SEPTIN7: variants seen among roughly 807,000 people sequenced by gnomAD.
SEPTIN7 encodes the protein septin 7.
A neutral mutation model predicts 63.3 loss-of-function variants in SEPTIN7; 10 were observed. The observed-to-expected ratio is 0.16, with a 90% confidence interval of 0.10 to 0.27. SEPTIN7 has a LOEUF of 0.27. Among genes scored for constraint, SEPTIN7 ranks in the 10% least tolerant of loss-of-function variants. The probability of loss-of-function intolerance (pLI) is 1.00; values close to 1 mark genes in which losing one functional copy is unlikely to be tolerated. For missense variants in SEPTIN7, 310 were observed against 521.0 expected, an observed-to-expected ratio of 0.59 and a Z score of 3.94; for synonymous variants, 131 against 165.3, an observed-to-expected ratio of 0.79 and a Z score of 1.59.
intron 7 of SEPTIN7, 51 bp downstream of exon 7, chr7:35,879,991 A>G (rs1346280139): frequency 2.0e-6 from 2 of 1,016,348 alleles, no homozygotes; most frequent in Admixed American, 4.0e-5. Flanking sequence ...CATAATTTGC[A>G]GTTTTTACTA....
intron 4 of SEPTIN7, among the ~76,000 whole-genome samples, chr7:35,871,352 A>G (rs566914541): frequency 6.6e-6 from 1 of 152,290 alleles, no homozygotes; most frequent in African/African-American, 2.4e-5. Context: ...TCTGCTGTGT[A>G]TTCGGTAGTC....
chr7:35,873,714 C>G lies in SEPTIN7; in HGVS notation c.451C>G (p.Arg151Gly). The G allele has an allele frequency of 6.2e-7, 1 of 1,610,814 alleles. No individual in the cohort carries two copies. Among genetic ancestry groups the G allele is most frequent in the Non-Finnish European group, 8.5e-7 (1 of 1,179,044 alleles). ...YLNAESRVNR[R>G]QMPDNRVQCC... Reference sequence around the variant, plus strand: ...AAATGCAGAATCACGAGTGAACAGACGTCAGATGCCTGATAACAGGGTGCA... The same window carrying G: ...AAATGCAGAATCACGAGTGAACAGAGGTCAGATGCCTGATAACAGGGTGCA... Residue 151 changes from arginine to glycine, a missense_variant, in exon 6 of 14, where the codon CGT becomes GGT. This residue lies in a region of SEPTIN7 where 255 missense variants were observed against 490.5 expected (regional missense o/e 0.52). Transcript: ENST00000350320.
intron 3 of SEPTIN7, among the ~76,000 whole-genome samples, chr7:35,852,173 A>C (rs1286698502): frequency 1.3e-5 from 2 of 152,192 alleles, no homozygotes; most frequent in Non-Finnish European, 2.9e-5. Flanking sequence ...TAATGAGATC[A>C]CTTATTCCTC....
intron 6 of SEPTIN7, among the ~76,000 whole-genome samples, chr7:35,877,040 T>C (rs1269350423): frequency 6.6e-6 from 1 of 151,978 alleles, no homozygotes; most frequent in East Asian, 1.9e-4. Context: ...AGTGGAAGAA[T>C]TGGAGGCTAT....
At chr7:35,814,234 TCACCCCCAGTGAATAAGAATTC>T (rs1490204817) in intron 1 of SEPTIN7, among the ~76,000 whole-genome samples, 3 of 152,202 alleles carry the variant, frequency 2.0e-5, no homozygotes, top group Non-Finnish European at 4.4e-5. Context: ...TTTTACATTT[TCACCCCCAGTGAATAAGAATTC>T]AGGTTGTTCC....
In SEPTIN7 at chr7:35,806,038, C is replaced by G. The variant is rs368295066; in HGVS notation, c.61+4768C>G. ...CCCTGCTGTCATCGTGCTAAGATGC[C>G]AGCAGCACATGCTCTCTCTGGTTGT... On this transcript the variant is annotated intron_variant, in intron 1 of 13. Transcript: ENST00000350320. Among the ~76,000 whole-genome samples, 52 of 152,268 alleles carry G rather than the reference C, an allele frequency of 3.4e-4. No individual in the cohort carries two copies. In the East Asian group the frequency reaches 7.1e-3, roughly 21 times the overall value.
At chr7:35,801,797 G>A (rs1400659194) in intron 1 of SEPTIN7, among the ~76,000 whole-genome samples, 1 of 152,086 alleles carries the variant, frequency 6.6e-6, no homozygotes, top group African/African-American at 2.4e-5. Context: ...CGGCGGCGGG[G>A]AGGGAGGAAG....
At chr7:35,801,385 G>A (rs1787956105) in intron 1 of SEPTIN7, 115 bp downstream of exon 1, 3 of 1,339,864 alleles carry the variant, frequency 2.2e-6, no homozygotes, top group African/African-American at 1.6e-5. Flanking sequence ...AGGCAGCGGC[G>A]AGGGGAGCCG....
chr7:35,850,795 A>C (rs1283297196), intron 3 of SEPTIN7, among the ~76,000 whole-genome samples: 1 of 152,208 alleles, frequency 6.6e-6, no homozygotes, highest in African/African-American at 2.4e-5. Flanking sequence ...ATCAAGGACT[A>C]CATCTTATCT....
intron 11 of SEPTIN7, among the ~76,000 whole-genome samples, chr7:35,893,445 CATA>C (rs923830131): frequency 1.3e-5 from 2 of 152,166 alleles, no homozygotes; most frequent in Non-Finnish European, 2.9e-5. Flanking sequence ...TCATGTGCCA[CATA>C]ATGATGTTTC....
intron 1 of SEPTIN7, among the ~76,000 whole-genome samples, chr7:35,805,906 A>C (rs1026220391): frequency 2.0e-4 from 30 of 152,260 alleles, no homozygotes; most frequent in African/African-American, 7.2e-4. Flanking sequence ...TACTTCTGGT[A>C]GCTTTATTGG....
the SEPTIN7 span, among the ~76,000 whole-genome samples, chr7:35,913,592 CTTCCTTCCTTCT>C: frequency 2.8e-5 from 4 of 145,142 alleles, no homozygotes; most frequent in Non-Finnish European, 6.0e-5. Flanking sequence ...TCTTTCCTTC[CTTCCTTCCTTCT>C]TTCCTTCCTT....
In SEPTIN7 at chr7:35,807,278, G is replaced by A. The variant is rs149687431; in HGVS notation, c.61+6008G>A. On this transcript the variant is annotated intron_variant, in intron 1 of 13. Transcript: ENST00000350320. ...CAGCCACCGCAGCCTCCGCCTCCCC[G>A]GTTCAAGTGATTCTCCTGCCTCAGC... Among the ~76,000 whole-genome samples the A allele has an allele frequency of 5.8e-3, 857 of 148,394 alleles. 5 individuals carry two copies. The highest frequency in any genetic ancestry group is 0.02 in the African/African-American group (804 of 40,196).
intron 6 of SEPTIN7, among the ~76,000 whole-genome samples, chr7:35,877,697 A>G (rs1484204007): frequency 6.6e-6 from 1 of 152,222 alleles, no homozygotes; most frequent in African/African-American, 2.4e-5. Flanking sequence ...TCTCATTTAG[A>G]ATTACTAAAG....
At position 35,853,120 on chromosome 7, in the gene SEPTIN7, T is replaced by A. The variant is rs554117428; in HGVS notation, c.170-10432T>A. Among the ~76,000 whole-genome samples, 8 of 152,272 alleles carry A rather than the reference T, an allele frequency of 5.3e-5. No homozygotes were observed. In the East Asian group the frequency reaches 1.4e-3, roughly 26 times the overall value. On this transcript the variant is annotated intron_variant, in intron 3 of 13. Coordinates refer to ENST00000350320, the MANE Select transcript of SEPTIN7 (RefSeq NM_001788.6). The stretch of plus-strand genomic sequence containing the variant: ...ATTGCTTTATCCTTTACTTTTCCAT[T>A]TGAAGCTCATTGTGGTTAGTGCAGT...
intron 3 of SEPTIN7, among the ~76,000 whole-genome samples, chr7:35,840,930 A>T (rs1190926185): frequency 1.3e-5 from 2 of 152,228 alleles, no homozygotes; most frequent in South Asian, 4.1e-4. Context: ...AAAAAATGGT[A>T]CTTTTTTTCA....
chr7:35,902,124 A>C (rs1336449938), intron 12 of SEPTIN7: 4 of 151,442 alleles, frequency 2.6e-5, no homozygotes, highest in Admixed American at 6.6e-5. Flanking sequence ...AAAATCTGTA[A>C]CAGAACATAA....
In SEPTIN7 at chr7:35,905,086, G is replaced by C. The variant is rs1788544574; in HGVS notation, c.*793G>C. 6.6e-6 allele frequency: 1 copy of C among 152,542 alleles called. No individual in the cohort carries two copies. The highest frequency in any genetic ancestry group is 1.5e-5 in the Non-Finnish European group (1 of 68,028). The allele number at this position is 152,542 out of a possible 1,614,324, so 9.4% of individuals were successfully genotyped here. ...TTACACTTTATGGTAAGTAGCAGGG[G>C]GGGAAATGCATTTATAGATCATTTC... On this transcript the variant is annotated 3_prime_UTR_variant, in exon 14 of 14. Coordinates refer to ENST00000350320, the MANE Select transcript of SEPTIN7 (RefSeq NM_001788.6).
At chr7:35,892,557 AT>A (rs1462000040) in intron 11 of SEPTIN7, among the ~76,000 whole-genome samples, 6 of 152,130 alleles carry the variant, frequency 3.9e-5, no homozygotes, top group Non-Finnish European at 7.4e-5. Flanking sequence ...TATTCAATAT[AT>A]TTTTTAAAAC....
Sources: gnomAD v4.1 joint callset for allele counts (sites outside exome capture counted in the v4.1 genomes callset) on GRCh38, gnomAD v4.1.1 for gene constraint, gnomAD v4.1.1 regional missense constraint, MANE v1.5 for transcripts, NCBI Gene and HGNC (gene_info 2026-07-23, HGNC 2026-07-21) for gene names.